NEB: variants seen among roughly 807,000 people sequenced by gnomAD.
NEB encodes nemaline myopathy type 2.
A neutral mutation model predicts 952.2 loss-of-function variants in NEB; 512 were observed. That is an observed-to-expected ratio of 0.54 (90% CI 0.50 to 0.58). The LOEUF is 0.58. NEB is among the 20% of genes least tolerant of loss of function. The pLI is 0.00. For synonymous variants in NEB, 2,900 were observed against 3,149.8 expected, an observed-to-expected ratio of 0.92 and a Z score of 2.66; for missense variants, 8,428 against 9,231.1, an observed-to-expected ratio of 0.91 and a Z score of 3.56.
In NEB at chr2:151,717,510, T is replaced by C. The variant is rs1031592589; in HGVS notation, c.728A>G (p.Lys243Arg). Residue 243 changes from lysine (K) to arginine (R), a missense_variant, in exon 10 of 182, where the codon AAA becomes AGA. Physicochemically the swap from Lys to Arg is conservative, Grantham distance 26. Transcript: ENST00000397345. ...AQKALSDVAY[K>R]KGLAEQQAQF... ...AGCTTGCTGTTCAGCGAGACCTTTTTTGTAGGCAACCTGATGAAATAAAAG... is the reference window on the plus strand; with the variant it reads ...AGCTTGCTGTTCAGCGAGACCTTTTCTGTAGGCAACCTGATGAAATAAAAG... 6 of 1,612,728 alleles carry C rather than the reference T, an allele frequency of 3.7e-6. No homozygotes were observed. The highest frequency in any genetic ancestry group is 1.1e-5 in the South Asian group (1 of 90,968).
At position 151,493,834 on chromosome 2, in the gene NEB, G is replaced by T; in HGVS notation, c.24613C>A (p.Pro8205Thr). 6.3e-7 allele frequency: 1 copy of T among 1,584,078 alleles called. No individual in the cohort carries two copies. The highest frequency in any genetic ancestry group is 8.6e-7 in the Non-Finnish European group (1 of 1,164,176). Reference protein sequence around the residue: ...LYKENLGKATPTPFTPEMERV... With the variant: ...LYKENLGKATTTPFTPEMERV... ...TCCATCTCAGGAGTAAAGGGTGTGGGGGTTGCTTTCCCCAGGTTCTCTTTG... is the reference window on the plus strand; with the variant it reads ...TCCATCTCAGGAGTAAAGGGTGTGGTGGTTGCTTTCCCCAGGTTCTCTTTG... Residue 8205 changes from proline (P) to threonine (T), a missense_variant, in exon 175 of 182, where the codon CCC becomes ACC. Coordinates refer to ENST00000397345, the MANE Select transcript of NEB (RefSeq NM_001164508.2).
intron 13 of NEB, among the ~76,000 whole-genome samples, chr2:151,704,635 G>A (rs575115630): frequency 4.6e-5 from 7 of 151,406 alleles, no homozygotes; most frequent in South Asian, 2.1e-4. Flanking sequence ...AGGTGCGTCC[G>A]TCACCCCTTT....
At chr2:151,518,276 A>G in intron 156 of NEB, 42 bp downstream of exon 156, 1 of 1,364,842 alleles carries the variant, frequency 7.3e-7, no homozygotes, top group Non-Finnish European at 1.0e-6. Context: ...TGTACTGTGG[A>G]TGAATGTGCG....
intron 114 of NEB, 102 bp from the exon 115 acceptor site, chr2:151,565,922 T>C: frequency 1.4e-6 from 1 of 712,526 alleles, no homozygotes; most frequent in South Asian, 1.9e-5. Context: ...AGGATTTCTC[T>C]CTAGTAGTTT....
chr2:151,509,964 G>T (rs1461054585), intron 161 of NEB, among the ~76,000 whole-genome samples: 2 of 152,146 alleles, frequency 1.3e-5, no homozygotes, highest in African/African-American at 2.4e-5. Flanking sequence ...TTATCACCAG[G>T]CCAACTCAAA....
At position 151,567,355 on chromosome 2, in the gene NEB, T is replaced by G; in HGVS notation, c.17969A>C (p.Lys5990Thr). Residue 5990 changes from lysine (K) to threonine (T), a missense_variant, in exon 114 of 182, where the codon AAA becomes ACA. By Grantham distance (78) the Lys-to-Thr change is moderately conservative. Around this residue, in one of 11 missense-constraint regions of NEB, gnomAD observed 3,374 missense variants for 3,651.5 expected, o/e 0.92. Transcript: ENST00000397345. Reference protein sequence around the residue: ...AGQIQNERLYKEDYHKTKAKI... With the variant: ...AGQIQNERLYTEDYHKTKAKI... Reference sequence around the variant, plus strand: ...GGCCTTTGTTTTGTGATAGTCCTCTTTGTATAGTCTCTCATTCTGAATCTG... The same window carrying G: ...GGCCTTTGTTTTGTGATAGTCCTCTGTGTATAGTCTCTCATTCTGAATCTG... 1 of 1,613,898 alleles carries G rather than the reference T, an allele frequency of 6.2e-7. No homozygotes were observed. The highest frequency in any genetic ancestry group is 1.3e-5 in the African/African-American group (1 of 75,032).
intron 4 of NEB, among the ~76,000 whole-genome samples, chr2:151,728,140 T>G (rs140245557): frequency 1.2e-3 from 184 of 152,326 alleles, no homozygotes; most frequent in African/African-American, 4.0e-3. Context: ...TTACTCCTTA[T>G]TACTTTGCAA....
At chr2:151,486,045 A>C in intron 181 of NEB, 112 bp from the exon 182 acceptor site, 5 of 1,106,692 alleles carry the variant, frequency 4.5e-6, no homozygotes, top group Non-Finnish European at 6.5e-6. Context: ...AGTTGAACAA[A>C]AGAGAATGTG....
chr2:151,680,812 T>C lies in NEB; in HGVS notation c.2960A>G (p.His987Arg). 7 of 1,612,814 alleles carry C rather than the reference T, an allele frequency of 4.3e-6. No homozygotes were observed. Among genetic ancestry groups the C allele is most frequent in the Non-Finnish European group, 5.9e-6 (7 of 1,178,920 alleles). Residue 987 changes from histidine (H) to arginine (R), a missense_variant, in exon 30 of 182, where the codon CAT becomes CGT. Transcript: ENST00000397345. ...DILNEKKYRQ[H>R]PDTLKFTSIE... ...CGAGGTAAACTTGAGGGTGTCTGGA[T>C]GTTGGCGATATTTTTTCTGTTTGGC...
Position 151,644,633 on chromosome 2 carries a change from T to G in NEB, c.7537-58A>C. The G allele has an allele frequency of 3.0e-6, 4 of 1,354,396 alleles. No individual in the cohort carries two copies. In the South Asian group the frequency reaches 4.7e-5, roughly 16 times the overall value. The allele number at this position is 1,354,396 out of a possible 1,614,324, so 83.9% of individuals were successfully genotyped here. On this transcript the variant is annotated intron_variant, in intron 55 of 181. Transcript: ENST00000397345. ...CTGTTCCCCATAGACAAATATAGCATAATGATCAAATGTGCTAAATATTTT... is the reference window on the plus strand; with the variant it reads ...CTGTTCCCCATAGACAAATATAGCAGAATGATCAAATGTGCTAAATATTTT...
chr2:151,632,640 C>T (rs896952744), intron 65 of NEB, among the ~76,000 whole-genome samples: 1 of 147,888 alleles, frequency 6.8e-6, no homozygotes, highest in African/African-American at 2.5e-5. Context: ...CGCGCCACTG[C>T]ACTCCAGCCT....
rs2153354913 is a variant in NEB at position 151,516,522 on chromosome 2, G to A, written c.22842C>T (p.Pro7614=). ...ACGTTGGTGTTTCAAAGTCCAGCAT[G>A]GGTTTTCCTCGTTCCTTTTCATACT... ...KEKYEKERGK[P]MLDFETPTYI... is the part of the protein sequence containing the mutation. The change falls in exon 157 of 182, where the codon CCC becomes CCT. Residue 7614 remains proline, a synonymous_variant. Coordinates refer to ENST00000397345, the MANE Select transcript of NEB (RefSeq NM_001164508.2). 2 of 1,613,350 alleles carry A rather than the reference G, an allele frequency of 1.2e-6. No individual in the cohort carries two copies. The highest frequency in any genetic ancestry group is 1.7e-6 in the Non-Finnish European group (2 of 1,179,532).
Position 151,663,618 on chromosome 2 carries a change from T to C in NEB, c.5693A>G (p.His1898Arg). 1 of 1,613,840 alleles carries C rather than the reference T, an allele frequency of 6.2e-7. No homozygotes were observed. The highest frequency in any genetic ancestry group is 8.5e-7 in the Non-Finnish European group (1 of 1,179,760). Residue 1898 changes from histidine to arginine, a missense_variant, in exon 45 of 182, where the codon CAT becomes CGT. His to Arg is a conservative substitution (Grantham distance 29). Around this residue, in one of 11 missense-constraint regions of NEB, gnomAD observed 2,851 missense variants for 2,791.5 expected, o/e 1.02. Transcript: ENST00000397345. ...GGCATCAGGAAGCATGTTGTAGGTATGGATCACGTTCCTGTAGTTGGCATT... is the reference window on the plus strand; with the variant it reads ...GGCATCAGGAAGCATGTTGTAGGTACGGATCACGTTCCTGTAGTTGGCATT... ...ATNANYRNVI[H>R]TYNMLPDAMS...
intron 143 of NEB, chr2:151,532,139 C>T (rs111228003): frequency 0.037 from 12,702 of 343,720 alleles, 316 homozygotes; most frequent in South Asian, 0.06. Context: ...CTCTGTCACC[C>T]AGGCTGGAGT....
rs1362878710 is a variant in NEB, at chr2:151,672,697, G to T, written c.3988-17C>A. 1.9e-6 allele frequency: 3 copies of T among 1,597,314 alleles called. No homozygotes were observed. The highest frequency in any genetic ancestry group is 2.6e-6 in the Non-Finnish European group (3 of 1,168,966). The stretch of plus-strand genomic sequence containing the variant: ...GTATTTATACTGTGGAGGCAGAATT[G>T]GGTTAGCAAAGTCCTAGGCATTGAT... On this transcript the variant is annotated splice_polypyrimidine_tract_variant and intron_variant, in intron 36 of 181. Coordinates refer to ENST00000397345, the MANE Select transcript of NEB (RefSeq NM_001164508.2).
Position 151,616,603 on chromosome 2 carries a change from A to G in NEB, c.11182-494T>C, listed in dbSNP as rs1434130555. 2.0e-5 allele frequency among the ~76,000 whole-genome samples: 3 copies of G among 152,184 alleles called. No individual in the cohort carries two copies. The East Asian group carries it at 5.8e-4, about 29-fold the overall frequency. ...CAGTTACTCGGGAGGCTGAGGCAGG[A>G]GAATTGCTTGAACCCAGGAGGCGGA... On this transcript the variant is annotated intron_variant, in intron 75 of 181. Coordinates refer to ENST00000397345, the MANE Select transcript of NEB (RefSeq NM_001164508.2).
At chr2:151,630,664 T>A in intron 67 of NEB, 51 bp downstream of exon 67, 1 of 1,439,108 alleles carries the variant, frequency 6.9e-7, no homozygotes. Flanking sequence ...TCCACAAAAC[T>A]AAGTATAGAC....
rs2098897409 is a variant in NEB at position 151,642,845 on chromosome 2, T to C, written c.8185A>G (p.Lys2729Glu). The change falls in exon 59 of 182, where the codon AAA becomes GAA. Residue 2729 changes from lysine (K) to glutamate (E), a missense_variant. Coordinates refer to ENST00000397345, the MANE Select transcript of NEB (RefSeq NM_001164508.2). ...NHRLYTEAWD[K>E]DKTTVHIMPD... ...ATAATGTGGACAGTGGTTTTATCTT[T>C]ATCCCAAGCTTCTGTATAGAGGCGC... 1.2e-6 allele frequency: 2 copies of C among 1,611,786 alleles called. No homozygotes were observed. Among genetic ancestry groups the C allele is most frequent in the Non-Finnish European group, 8.5e-7 (1 of 1,178,698 alleles).
intron 71 of NEB, among the ~76,000 whole-genome samples, chr2:151,623,504 C>T (rs541537952): frequency 1.3e-5 from 2 of 152,080 alleles, no homozygotes; most frequent in African/African-American, 4.8e-5. Flanking sequence ...TTAAGGATAC[C>T]GGACTAGTAT....
Sources: gnomAD v4.1 joint callset for allele counts (sites outside exome capture counted in the v4.1 genomes callset) on GRCh38, gnomAD v4.1.1 for gene constraint, gnomAD v4.1.1 regional missense constraint, MANE v1.5 for transcripts, NCBI Gene and HGNC (gene_info 2026-07-23, HGNC 2026-07-21) for gene names.